The following ERC1 variants were observed in gnomAD, a reference collection of about 807,000 sequenced individuals.
ERC1 encodes the protein RAB6 interacting protein 2.
ERC1 carries 56 observed loss-of-function variants against 132.0 expected under a neutral mutation model. That is an observed-to-expected ratio of 0.42 (90% CI 0.34 to 0.53). The LOEUF (loss-of-function observed/expected upper bound fraction) is 0.53, where lower values mean the gene tolerates loss of function less well. ERC1 is among the 20% of genes least tolerant of loss of function. The probability of loss-of-function intolerance (pLI) is 0.03; values close to 1 mark genes in which losing one functional copy is unlikely to be tolerated. For missense variants in ERC1, 1,202 were observed against 1,349.9 expected (o/e 0.89, Z 1.72); for synonymous variants, 478 against 476.1 (o/e 1.00, Z -0.05).
intron 16 of ERC1, among the ~76,000 whole-genome samples, chr12:1,372,281 T>C (rs1284206727): frequency 1.3e-5 from 2 of 150,320 alleles, no homozygotes; most frequent in Non-Finnish European, 3.0e-5. Flanking sequence ...TGAAAAGGCT[T>C]TTTTTTTTAA....
intron 12 of ERC1, among the ~76,000 whole-genome samples, chr12:1,205,974 C>A (rs181140845): frequency 1.3e-5 from 2 of 152,192 alleles, no homozygotes; most frequent in African/African-American, 4.8e-5. Flanking sequence ...ATACATAATT[C>A]ACTGAGTTAC....
chr12:1,434,303 G>A (rs753323005), intron 17 of ERC1, among the ~76,000 whole-genome samples: 97 of 152,164 alleles, frequency 6.4e-4, no homozygotes, highest in Non-Finnish European at 1.2e-3. Context: ...TGGTATGAGA[G>A]CCTGGGAGAT....
intron 16 of ERC1, among the ~76,000 whole-genome samples, chr12:1,396,688 A>G (rs2090569226): frequency 6.6e-6 from 1 of 152,216 alleles, no homozygotes; most frequent in African/African-American, 2.4e-5. Flanking sequence ...GGGCTGAAAG[A>G]TAAAGATGAG....
chr12:1,297,516 AC>A lies in ERC1; in HGVS notation c.2780+7505del, dbSNP rs2080047306. Reference sequence around the variant, plus strand: ...CAGGAGTCTGAGACCAGCCTAGACAACATGACGAAACCCTGTTTCTACAAAA... The same window carrying A: ...CAGGAGTCTGAGACCAGCCTAGACAAATGACGAAACCCTGTTTCTACAAAA... On this transcript the variant is annotated intron_variant, in intron 15 of 18. Transcript: ENST00000360905. 2.0e-5 allele frequency among the ~76,000 whole-genome samples: 3 copies of A among 147,002 alleles called. No individual in the cohort carries two copies. The South Asian group carries it at 6.6e-4, about 32-fold the overall frequency.
At chr12:1,455,978 G>A (rs2057798) in intron 18 of ERC1, among the ~76,000 whole-genome samples, 10,695 of 152,212 alleles carry the variant, frequency 0.07, 1,234 homozygotes, top group African/African-American at 0.24. Flanking sequence ...ACACTCAGGT[G>A]TATGATCTTT....
At chr12:1,049,973 C>T (rs1028226107) in intron 2 of ERC1, among the ~76,000 whole-genome samples, 1 of 152,174 alleles carries the variant, frequency 6.6e-6, no homozygotes, top group South Asian at 2.1e-4. Context: ...AAACTCCTGA[C>T]CTCAGGTGAT....
chr12:1,337,550 G>A (rs1032072890), intron 15 of ERC1, among the ~76,000 whole-genome samples: 2 of 152,104 alleles, frequency 1.3e-5, no homozygotes, highest in Middle Eastern at 3.2e-3. Context: ...TTCAAGGTTT[G>A]TACTGATATG....
intron 7 of ERC1, among the ~76,000 whole-genome samples, chr12:1,132,788 T>C (rs1948888428): frequency 6.6e-6 from 1 of 152,072 alleles, no homozygotes; most frequent in South Asian, 2.1e-4. Context: ...CAGGTTTGAA[T>C]GCCTAAGCTT....
In ERC1 at chr12:1,124,460, A is replaced by G. The variant is rs552033208; in HGVS notation, c.1569+8427A>G. 9.3e-4 allele frequency among the ~76,000 whole-genome samples: 141 copies of G among 152,298 alleles called. 1 individual carries two copies. Among genetic ancestry groups the G allele is most frequent in the Middle Eastern group, 3.4e-3 (1 of 294 alleles). On this transcript the variant is annotated intron_variant, in intron 7 of 18. Coordinates refer to ENST00000360905, the MANE Select transcript of ERC1 (RefSeq NM_178040.4). ...AAATGAGTGGCAGTGAAAGCTCTCTATATAAAAATTTGTGGAACATAATTA... is the reference window on the plus strand; with the variant it reads ...AAATGAGTGGCAGTGAAAGCTCTCTGTATAAAAATTTGTGGAACATAATTA...
At chr12:1,309,292 A>ACTGT (rs1195993027) in intron 15 of ERC1, among the ~76,000 whole-genome samples, 2 of 152,216 alleles carry the variant, frequency 1.3e-5, no homozygotes, top group African/African-American at 2.4e-5. Context: ...TAATTTGCAC[A>ACTGT]CTGTCTGACA....
At chr12:1,340,215 C>T (rs2083699140) in intron 15 of ERC1, among the ~76,000 whole-genome samples, 1 of 152,130 alleles carries the variant, frequency 6.6e-6, no homozygotes, top group South Asian at 2.1e-4. Context: ...CTAGAGAGTC[C>T]AGCAGACCAA....
intron 16 of ERC1, among the ~76,000 whole-genome samples, chr12:1,388,096 TCA>T (rs1315548507): frequency 1.3e-5 from 2 of 152,124 alleles, no homozygotes; most frequent in Non-Finnish European, 2.9e-5. Flanking sequence ...GCGTGGTGGC[TCA>T]CGCTTGTAAT....
At chr12:1,064,311 C>T (rs1005570922) in intron 2 of ERC1, among the ~76,000 whole-genome samples, 39 of 151,964 alleles carry the variant, frequency 2.6e-4, no homozygotes, top group Non-Finnish European at 1.0e-4. Context: ...CGACAGCCCT[C>T]CAACTCTTGG....
At chr12:1,127,084 A>C (rs1165461455) in intron 7 of ERC1, among the ~76,000 whole-genome samples, 1 of 152,026 alleles carries the variant, frequency 6.6e-6, no homozygotes, top group Admixed American at 6.6e-5. Context: ...AAAGAAACCT[A>C]AGTGGTTAAC....
intron 14 of ERC1, among the ~76,000 whole-genome samples, chr12:1,275,980 G>A (rs1397006610): frequency 6.6e-6 from 1 of 152,136 alleles, no homozygotes; most frequent in Non-Finnish European, 1.5e-5. Context: ...ATATTATTCA[G>A]TTGTTAAACA....
chr12:1,477,410 A>C (rs1456797165), intron 18 of ERC1, among the ~76,000 whole-genome samples: 1 of 152,238 alleles, frequency 6.6e-6, no homozygotes, highest in East Asian at 1.9e-4. Context: ...AACAGTGGAC[A>C]GTCTCCTTAG....
chr12:1,161,235 G>A (rs1340317328), intron 8 of ERC1, among the ~76,000 whole-genome samples: 1 of 152,080 alleles, frequency 6.6e-6, no homozygotes, highest in Non-Finnish European at 1.5e-5. Flanking sequence ...GCAAAAAAAC[G>A]AGGAATTTTA....
chr12:1,146,424 A>G (rs182406901), intron 8 of ERC1, among the ~76,000 whole-genome samples: 92 of 145,408 alleles, frequency 6.3e-4, no homozygotes, highest in African/African-American at 2.3e-3. Context: ...GTGTACATTA[A>G]TTTTGTATCC....
At chr12:1,407,052 G>A (rs2154394186) in intron 16 of ERC1, among the ~76,000 whole-genome samples, 1 of 152,170 alleles carries the variant, frequency 6.6e-6, no homozygotes, top group East Asian at 1.9e-4. Context: ...TGCTTACTCT[G>A]CAGAGTTAAT....
Sources: gnomAD v4.1 joint callset for allele counts (sites outside exome capture counted in the v4.1 genomes callset) on GRCh38, gnomAD v4.1.1 for gene constraint, MANE v1.5 for transcripts, NCBI Gene and HGNC (gene_info 2026-07-23, HGNC 2026-07-21) for gene names.